MYH16: variants seen among roughly 807,000 people sequenced by gnomAD.
MYH16 encodes the protein myosin heavy chain 16.
chr7:99,258,605 T>C (rs775873670), intron 11 of MYH16, among the ~76,000 whole-genome samples: 11 of 152,114 alleles, frequency 7.2e-5, no homozygotes, highest in Non-Finnish European at 1.3e-4. Flanking sequence ...GGTGTGAACT[T>C]TAAGGATGGG....
At chr7:99,244,974 G>A (rs909422662) in intron 2 of MYH16, among the ~76,000 whole-genome samples, 1 of 152,218 alleles carries the variant, frequency 6.6e-6, no homozygotes, top group Non-Finnish European at 1.5e-5. Context: ...ACATTAAAGC[G>A]CCTCAATAGA....
At chr7:99,289,288 T>A (rs1562783748) in exon 30 of MYH16, 1 of 419,444 alleles carries the variant, frequency 2.4e-6, no homozygotes, top group African/African-American at 2.1e-5. Flanking sequence ...CCTGAGCAGA[T>A]GAACGCCGAG....
chr7:99,260,038 G>A (rs1228513359), intron 11 of MYH16: 2 of 672,652 alleles, frequency 3.0e-6, no homozygotes, highest in Admixed American at 2.5e-5. Flanking sequence ...AGGCACTTAG[G>A]GCAGTGCCTG....
At chr7:99,301,305 GCCT>G (rs749740724) in intron 37 of MYH16, among the ~76,000 whole-genome samples, 30 of 151,982 alleles carry the variant, frequency 2.0e-4, no homozygotes, top group Non-Finnish European at 2.9e-4. Flanking sequence ...CACTGGGAAG[GCCT>G]CCTGGAGAAG....
At chr7:99,251,305 G>C (rs1245485684) in intron 6 of MYH16, 1 of 152,712 alleles carries the variant, frequency 6.5e-6, no homozygotes, top group Non-Finnish European at 1.5e-5. Flanking sequence ...GACAAGTGAA[G>C]ACATCCCCTT....
chr7:99,282,116 G>A lies in MYH16; in HGVS notation n.2992+1136G>A, dbSNP rs921752036. The stretch of plus-strand genomic sequence containing the variant: ...CAGCTCACTGCAACCTCCGCCTCCC[G>A]GGTTCAAGTGATTCTCCTGCCTCAG... On this transcript the variant is annotated intron_variant and non_coding_transcript_variant, in intron 23 of 41. Coordinates refer to ENST00000439784, the Ensembl canonical transcript of MYH16. Among the ~76,000 whole-genome samples, 88 of 151,928 alleles carry A rather than the reference G, an allele frequency of 5.8e-4. 1 individual carries two copies. Among genetic ancestry groups the A allele is most frequent in the South Asian group, 2.1e-4 (1 of 4,816 alleles).
intron 1 of MYH16, among the ~76,000 whole-genome samples, chr7:99,242,872 T>G (rs1791681430): frequency 6.6e-6 from 1 of 152,132 alleles, no homozygotes; most frequent in Non-Finnish European, 1.5e-5. Flanking sequence ...AAGAGTCACA[T>G]CTCTGCAAAG....
chr7:99,276,295 G>GCTGT (rs1304360867), intron 20 of MYH16, among the ~76,000 whole-genome samples: 1 of 152,216 alleles, frequency 6.6e-6, no homozygotes, highest in East Asian at 1.9e-4. Context: ...AGAGGCGCAG[G>GCTGT]CTGTCCCTCC....
Position 99,289,419 on chromosome 7 carries a change from C to G in MYH16, n.3824+15C>G, listed in dbSNP as rs937120935. 1 of 397,186 alleles carries G rather than the reference C, an allele frequency of 2.5e-6. No individual in the cohort carries two copies. The highest frequency in any genetic ancestry group is 2.1e-5 in the African/African-American group (1 of 47,694). The allele number at this position is 397,186 out of a possible 1,614,324, so 24.6% of individuals were successfully genotyped here. ...CCGCCTCCAAGGTGAGCCCTCTCCG[C>G]CCTGAGCTTGCTAAGGAGCAGTGCA... On this transcript the variant is annotated intron_variant and non_coding_transcript_variant, in intron 30 of 41. Coordinates refer to ENST00000439784, the Ensembl canonical transcript of MYH16.
intron 23 of MYH16, among the ~76,000 whole-genome samples, chr7:99,282,130 C>T (rs1048888112): frequency 2.6e-5 from 4 of 152,182 alleles, no homozygotes; most frequent in Non-Finnish European, 5.9e-5. Context: ...TCAAGTGATT[C>T]TCCTGCCTCA....
In MYH16 at chr7:99,297,887, G is replaced by A; in HGVS notation, n.4637-5G>A. 1 of 456,712 alleles carries A rather than the reference G, an allele frequency of 2.2e-6. No individual in the cohort carries two copies. Among genetic ancestry groups the A allele is most frequent in the Non-Finnish European group, 4.4e-6 (1 of 226,966 alleles). The allele number at this position is 456,712 out of a possible 1,614,324, so 28.3% of individuals were successfully genotyped here. ...CAGAAAGACTCATGGTTATATTTCT[G>A]GTAGGTTGAAGAGAGCAAGGTGATT... is the stretch of plus-strand genomic sequence containing the variant. On this transcript the variant is annotated splice_region_variant and splice_polypyrimidine_tract_variant and intron_variant and non_coding_transcript_variant, in intron 35 of 41. Coordinates refer to ENST00000439784, the Ensembl canonical transcript of MYH16.
At chr7:99,285,674 G>C (rs1250039492) in intron 27 of MYH16, among the ~76,000 whole-genome samples, 1 of 152,236 alleles carries the variant, frequency 6.6e-6, no homozygotes, top group Non-Finnish European at 1.5e-5. Context: ...GAAGAGGCTG[G>C]TTCTACCTGA....
chr7:99,280,822 T>A, intron 22 of MYH16, 54 bp from the exon 5 acceptor site: 1 of 248,600 alleles, frequency 4.0e-6, no homozygotes, highest in Non-Finnish European at 8.4e-6. Flanking sequence ...GCACCCAAGC[T>A]GAGGACTCCC....
At position 99,302,311 on chromosome 7, in the gene MYH16, A is replaced by ATATAT. The variant is rs1554340310; in HGVS notation, n.5137+507_5137+508insTATAT. 4.0e-3 allele frequency among the ~76,000 whole-genome samples: 433 copies of ATATAT among 109,538 alleles called. 21 individuals carry two copies. The highest frequency in any genetic ancestry group is 0.018 in the African/African-American group (398 of 21,946). The allele number at this position is 109,538 out of a possible 152,430, so 71.9% of individuals were successfully genotyped here. ...AGAGTGACCATCTCAAAAAAAAAAA[A>ATATAT]ATATATACACACACACACACACACA... On this transcript the variant is annotated intron_variant and non_coding_transcript_variant, in intron 38 of 41. Transcript: ENST00000439784.
intron 32 of MYH16, among the ~76,000 whole-genome samples, chr7:99,293,025 C>A (rs1268004240): frequency 6.6e-6 from 1 of 151,760 alleles, no homozygotes. Flanking sequence ...GAAAGTGGCT[C>A]TGGGCCTCTC....
At chr7:99,268,163 C>A (rs1368323966) in intron 18 of MYH16, among the ~76,000 whole-genome samples, 1 of 152,284 alleles carries the variant, frequency 6.6e-6, no homozygotes, top group South Asian at 2.1e-4. Flanking sequence ...TGCCCTAGAA[C>A]CTGCTGGAAC....
intron 22 of MYH16, 26 bp downstream of exon 4, chr7:99,279,763 C>T (rs766376211): frequency 3.3e-5 from 15 of 449,582 alleles, no homozygotes; most frequent in South Asian, 1.6e-4. Context: ...GGCCCTGCCA[C>T]GCTTTTCTCA....
At chr7:99,271,622 T>C (rs1792047804) in intron 19 of MYH16, among the ~76,000 whole-genome samples, 1 of 152,242 alleles carries the variant, frequency 6.6e-6, no homozygotes, top group Non-Finnish European at 1.5e-5. Context: ...CTAATAGCTA[T>C]GCATATTTTA....
At chr7:99,290,645 C>CA (rs975907143) in intron 30 of MYH16, among the ~76,000 whole-genome samples, 51 of 151,208 alleles carry the variant, frequency 3.4e-4, no homozygotes, top group Admixed American at 3.1e-3. Flanking sequence ...ACTAAAAATA[C>CA]AAAAAAAATT....
Sources: allele counts gnomAD v4.1 joint callset (sites outside exome capture counted in the v4.1 genomes callset), GRCh38; gene constraint gnomAD v4.1.1; transcripts MANE v1.5; gene names NCBI Gene and HGNC (gene_info 2026-07-23, HGNC 2026-07-21).